Variants in ZNF99 observed in about 807,000 individuals in gnomAD.
The protein encoded by ZNF99 is zinc finger protein 99, also known as zinc finger protein ENSP00000375192.
A neutral mutation model predicts 12.8 loss-of-function variants in ZNF99; 8 were observed. The ratio of observed to expected loss-of-function variants is 0.62; its 90% CI spans 0.37 to 1.13. The LOEUF is 1.13. Among genes scored for constraint, ZNF99 ranks in the 50% most tolerant of loss-of-function variants. The pLI is 0.02. For synonymous variants in ZNF99, 318 were observed against 319.0 expected (o/e 1.00, Z 0.03); for missense variants, 1,007 against 1,006.2 (o/e 1.00, Z -0.01).
intron 3 of ZNF99, among the ~76,000 whole-genome samples, chr19:22,767,137 T>TAAA (rs1973214035): frequency 7.1e-6 from 1 of 140,146 alleles, no homozygotes. Context: ...ACCAAAAAAC[T>TAAA]AGCTGGGTTT....
intron 1 of ZNF99, among the ~76,000 whole-genome samples, chr19:22,772,504 C>T (rs1973284105): frequency 6.6e-6 from 1 of 152,020 alleles, no homozygotes; most frequent in African/African-American, 2.4e-5. Flanking sequence ...CATGGAGAAA[C>T]CCTATCTCTA....
At position 22,756,221 on chromosome 19, in the gene ZNF99, G is replaced by A. The variant is rs773613310; in HGVS notation, c.*1093C>T. On this transcript the variant is annotated 3_prime_UTR_variant, in exon 4 of 4. Coordinates refer to ENST00000596209, the MANE Select transcript of ZNF99 (RefSeq NM_001080409.3). ...TTCACATTTTTAGGGCTTCTCCCCA[G>A]TATGAATTATCTTATGTTTAGTAAG... 7.7e-6 allele frequency: 12 copies of A among 1,567,184 alleles called. No individual in the cohort carries two copies. The South Asian group carries it at 1.1e-4, about 14-fold the overall frequency.
At chr19:22,763,097 C>G (rs1973167230) in intron 3 of ZNF99, among the ~76,000 whole-genome samples, 1 of 151,966 alleles carries the variant, frequency 6.6e-6, no homozygotes, top group African/African-American at 2.4e-5. Context: ...CCCACTTTCA[C>G]CCCACTTCTT....
intron 3 of ZNF99, among the ~76,000 whole-genome samples, chr19:22,764,159 A>T (rs1234304671): frequency 6.6e-6 from 1 of 152,090 alleles, no homozygotes; most frequent in African/African-American, 2.4e-5. Context: ...CACCCGTCTC[A>T]GCCTCCCAAA....
intron 1 of ZNF99, among the ~76,000 whole-genome samples, chr19:22,778,150 CTTAAA>C (rs1263988784): frequency 7.1e-6 from 1 of 140,122 alleles, no homozygotes; most frequent in Admixed American, 7.1e-5. Flanking sequence ...TATCCTAGAA[CTTAAA>C]TTAAAAAAAA....
rs1287643212 is a variant in ZNF99 at position 22,759,530 on chromosome 19, C to A, written c.379G>T (p.Glu127Ter). 6.2e-7 allele frequency: 1 copy of A among 1,610,806 alleles called. No individual in the cohort carries two copies. Among genetic ancestry groups the A allele is most frequent in the Non-Finnish European group, 8.5e-7 (1 of 1,179,060 alleles). Residue 127 changes from glutamate (E) to a stop codon, truncating the protein, a stop_gained, in exon 4 of 4, where the codon GAA (glutamate) becomes TAA (stop). Transcript: ENST00000596209. LOFTEE classifies it low-confidence loss of function (END_TRUNC). ...CESVNEGKMHEEAYNKLNQCW... is the reference protein window; with the variant it reads ...CESVNEGKMH ...TGGTTAAGTTTATTATAAGCTTCTT[C>A]GTGCATCTTACCCTCATTGACACTT...
chr19:22,758,779 G>A lies in ZNF99; in HGVS notation c.1130C>T (p.Ala377Val), dbSNP rs753267223. ...TCTAAGGGCTGACAAATTGCTAAAA[G>A]CTTTGCCGCATTCTTCATATTTGTA... ...KPYKYEECGK[A>V]FSNLSALRKH... is the part of the protein sequence containing the mutation. Residue 377 changes from alanine to valine, a missense_variant, in exon 4 of 4, where the codon GCT (alanine) becomes GTT (valine). Physicochemically the swap from Ala to Val is moderately conservative, Grantham distance 64 (BLOSUM62 0). Coordinates refer to ENST00000596209, the MANE Select transcript of ZNF99 (RefSeq NM_001080409.3). The A allele has an allele frequency of 3.2e-5, 52 of 1,604,170 alleles. No homozygotes were observed. Among genetic ancestry groups the A allele is most frequent in the Non-Finnish European group, 4.3e-5 (50 of 1,173,814 alleles).
Position 22,757,667 on chromosome 19 carries a change from G to A in ZNF99, c.2242C>T (p.Leu748Phe), listed in dbSNP as rs758499665. 6.2e-6 allele frequency: 10 copies of A among 1,611,602 alleles called. No homozygotes were observed. The highest frequency in any genetic ancestry group is 8.5e-6 in the Non-Finnish European group (10 of 1,179,678). ...GTATGAATTACCTTATGTACAGTAA[G>A]TTTTGAGGACCACTTAAAAGCTTTA... ...CGKAFKWSSKLTVHKVIHTAE... is the reference protein window; with the variant it reads ...CGKAFKWSSKFTVHKVIHTAE... Residue 748 changes from leucine (L) to phenylalanine (F), a missense_variant, in exon 4 of 4, where the codon CTT (leucine) becomes TTT (phenylalanine). Coordinates refer to ENST00000596209, the MANE Select transcript of ZNF99 (RefSeq NM_001080409.3).
Position 22,759,402 on chromosome 19 carries a change from T to G in ZNF99, c.507A>C (p.Lys169Asn). 1 of 1,570,046 alleles carries G rather than the reference T, an allele frequency of 6.4e-7. No individual in the cohort carries two copies. The highest frequency in any genetic ancestry group is 8.6e-7 in the Non-Finnish European group (1 of 1,156,644). ...NSNRYKIRHTKKKTFKCMKCS... is the reference protein window; with the variant it reads ...NSNRYKIRHTNKKTFKCMKCS... ...ATTTCATACATTTGAAAGTTTTCTT[T>G]TTAGTGTGTCTAATCTTATATCTAT... Residue 169 changes from lysine (K) to asparagine (N), a missense_variant, in exon 4 of 4, where the codon AAA becomes AAC. By Grantham distance (94) the Lys-to-Asn change is moderately conservative (BLOSUM62 0). Coordinates refer to ENST00000596209, the MANE Select transcript of ZNF99 (RefSeq NM_001080409.3).
chr19:22,781,403 C>CTTTTTT lies in ZNF99; in HGVS notation c.3+2605_3+2610dup, dbSNP rs35970718. Among the ~76,000 whole-genome samples, 100 of 87,914 alleles carry CTTTTTT rather than the reference C, an allele frequency of 1.1e-3. 5 individuals carry two copies. The highest frequency in any genetic ancestry group is 2.1e-3 in the Admixed American group (17 of 7,918). 57.7% of individuals were successfully genotyped at this position (87,914 alleles called of 152,430 possible). ...TTCTTACACCATCTCATTGGGGTCA[C>CTTTTTT]TTTTTTTTTTTTTTTTTTTTTTTGT... is the stretch of plus-strand genomic sequence containing the variant. On this transcript the variant is annotated intron_variant, in intron 1 of 3. Transcript: ENST00000596209.
At chr19:22,780,960 C>A (rs1390053433) in intron 1 of ZNF99, among the ~76,000 whole-genome samples, 2 of 152,074 alleles carry the variant, frequency 1.3e-5, no homozygotes, top group Non-Finnish European at 2.9e-5. Context: ...TCCTTGGTAG[C>A]ATTTGAAAAG....
At position 22,769,901 on chromosome 19, in the gene ZNF99, G is replaced by A. The variant is rs757389652; in HGVS notation, c.4-577C>T. ...TGGATAATAAAGTATAAAATTAAGG[G>A]CATGATAACATGTACATTTTTGAGT... On this transcript the variant is annotated intron_variant, in intron 1 of 3. Coordinates refer to ENST00000596209, the MANE Select transcript of ZNF99 (RefSeq NM_001080409.3). 5 of 1,359,248 alleles carry A rather than the reference G, an allele frequency of 3.7e-6. No individual in the cohort carries two copies. In the South Asian group the frequency reaches 5.8e-5, roughly 16 times the overall value. The allele number at this position is 1,359,248 out of a possible 1,614,324, so 84.2% of individuals were successfully genotyped here. A position where few individuals can be genotyped will look rare whatever the true frequency, so the allele number is the denominator to read the frequency against.
intron 3 of ZNF99, among the ~76,000 whole-genome samples, chr19:22,763,567 C>A (rs375133944): frequency 2.6e-5 from 4 of 152,218 alleles, no homozygotes; most frequent in South Asian, 2.1e-4. Flanking sequence ...AAGCAATCTA[C>A]AAATTAAATG....
Position 22,757,075 on chromosome 19 carries a change from C to A in ZNF99, c.*239G>T. On this transcript the variant is annotated 3_prime_UTR_variant, in exon 4 of 4. Coordinates refer to ENST00000596209, the MANE Select transcript of ZNF99 (RefSeq NM_001080409.3). ...CCCTAGTATGAATTAGCTTATGTTTCTTAAGGGTTGAGGAATTGTTAAAAG... is the reference window on the plus strand; with the variant it reads ...CCCTAGTATGAATTAGCTTATGTTTATTAAGGGTTGAGGAATTGTTAAAAG... The A allele has an allele frequency of 6.2e-7, 1 of 1,609,994 alleles. No individual in the cohort carries two copies. The highest frequency in any genetic ancestry group is 8.5e-7 in the Non-Finnish European group (1 of 1,177,604).
Position 22,754,589 on chromosome 19 carries a change from G to T in ZNF99, c.*2725C>A. 1 of 405,456 alleles carries T rather than the reference G, an allele frequency of 2.5e-6. No individual in the cohort carries two copies. Among genetic ancestry groups the T allele is most frequent in the South Asian group, 1.9e-5 (1 of 53,524 alleles). The allele number at this position is 405,456 out of a possible 1,614,324, so 25.1% of individuals were successfully genotyped here. A position where few individuals can be genotyped will look rare whatever the true frequency, so the allele number is the denominator to read the frequency against. On this transcript the variant is annotated 3_prime_UTR_variant, in exon 4 of 4. Transcript: ENST00000596209. ...TTCACATTTGTCGGGTTTCTCTTCA[G>T]TATGAATTATCTTAATGTGTGGTAA...
chr19:22,755,562 T>G lies in ZNF99; in HGVS notation c.*1752A>C. 3.4e-6 allele frequency: 1 copy of G among 297,344 alleles called. No individual in the cohort carries two copies. Among genetic ancestry groups the G allele is most frequent in the South Asian group, 3.7e-5 (1 of 27,112 alleles). The allele number at this position is 297,344 out of a possible 1,614,324, so 18.4% of individuals were successfully genotyped here. A position where few individuals can be genotyped will look rare whatever the true frequency, so the allele number is the denominator to read the frequency against. On this transcript the variant is annotated 3_prime_UTR_variant, in exon 4 of 4. Transcript: ENST00000596209. ...AGTATCTCTCCAGTATGAATTATCT[T>G]ATGTTCAGTAAGTTTTGAGAAGCAG...
Position 22,756,064 on chromosome 19 carries a change from T to A in ZNF99, c.*1250A>T. 1.5e-6 allele frequency: 2 copies of A among 1,303,726 alleles called. No homozygotes were observed. The highest frequency in any genetic ancestry group is 2.1e-6 in the Non-Finnish European group (2 of 964,694). The allele number at this position is 1,303,726 out of a possible 1,614,324, so 80.8% of individuals were successfully genotyped here. ...GGGGTTTCTCTCCAGCATGAATTGTTTTCTGCCTATTAAGGCTTGAGGACT... is the reference window on the plus strand; with the variant it reads ...GGGGTTTCTCTCCAGCATGAATTGTATTCTGCCTATTAAGGCTTGAGGACT... On this transcript the variant is annotated 3_prime_UTR_variant, in exon 4 of 4. Transcript: ENST00000596209.
intron 1 of ZNF99, among the ~76,000 whole-genome samples, 186 bp from the exon 2 acceptor site, chr19:22,769,510 G>C (rs1016637385): frequency 6.6e-6 from 1 of 152,100 alleles, no homozygotes; most frequent in African/African-American, 2.4e-5. Flanking sequence ...GCTCATGCCT[G>C]TAATCCCAGC....
In ZNF99 at chr19:22,756,482, T is replaced by C. The variant is rs368501748; in HGVS notation, c.*832A>G. 5.6e-6 allele frequency: 9 copies of C among 1,594,794 alleles called. No homozygotes were observed. The East Asian group carries it at 1.4e-4, about 24-fold the overall frequency. ...GGTTTCTTTCCAGTATGAATTATCC[T>C]ATGTTTAGTAAGGCGTGAGAAATGG... On this transcript the variant is annotated 3_prime_UTR_variant, in exon 4 of 4. Coordinates refer to ENST00000596209, the MANE Select transcript of ZNF99 (RefSeq NM_001080409.3).
Sources: allele counts gnomAD v4.1 joint callset (sites outside exome capture counted in the v4.1 genomes callset), GRCh38; gene constraint gnomAD v4.1.1; transcripts MANE v1.5; gene names NCBI Gene and HGNC (gene_info 2026-07-23, HGNC 2026-07-21).